XXYLT1: variants seen among roughly 807,000 people sequenced by gnomAD.
XXYLT1 encodes the protein xyloside xylosyltransferase 1.
Under a neutral mutation model 28.9 loss-of-function variants are expected in XXYLT1, and 20 were observed. That is an observed-to-expected ratio of 0.69 (90% CI 0.49 to 1.00). The LOEUF (loss-of-function observed/expected upper bound fraction) is 1.00. XXYLT1 is among the 50% of genes least tolerant of loss of function. The pLI is 0.00. For synonymous variants in XXYLT1, 257 were observed against 253.8 expected, an observed-to-expected ratio of 1.01 and a Z score of -0.12; for missense variants, 542 against 560.1, an observed-to-expected ratio of 0.97 and a Z score of 0.33.
intron 2 of XXYLT1, among the ~76,000 whole-genome samples, chr3:195,188,020 G>A (rs1490492580): frequency 1.3e-5 from 2 of 152,086 alleles, no homozygotes; most frequent in African/African-American, 2.4e-5. Context: ...TTCAACTAAC[G>A]TCTCAACGAG....
intron 1 of XXYLT1, among the ~76,000 whole-genome samples, chr3:195,244,826 C>A (rs1375511784): frequency 8.9e-6 from 1 of 112,314 alleles, no homozygotes; most frequent in African/African-American, 3.4e-5. Flanking sequence ...ATCATTATGA[C>A]AAATACAACA....
At chr3:195,226,111 T>C (rs67484513) in intron 2 of XXYLT1, among the ~76,000 whole-genome samples, 10,901 of 152,066 alleles carry the variant, frequency 0.072, 596 homozygotes, top group African/African-American at 0.14. Flanking sequence ...AGTTAGACCC[T>C]CCAAGGCTTC....
At chr3:195,220,735 G>A (rs1577163221) in intron 2 of XXYLT1, among the ~76,000 whole-genome samples, 2 of 152,140 alleles carry the variant, frequency 1.3e-5, no homozygotes, top group African/African-American at 2.4e-5. Context: ...GGGGTCCTTC[G>A]AAGCCTCTGG....
intron 2 of XXYLT1, among the ~76,000 whole-genome samples, chr3:195,160,843 C>A (rs11710992): frequency 4.6e-5 from 7 of 152,254 alleles, no homozygotes; most frequent in African/African-American, 1.7e-4. Context: ...AGGGGATGTG[C>A]GGTTGGAATT....
At chr3:195,087,523 C>T (rs929767648) in intron 3 of XXYLT1, among the ~76,000 whole-genome samples, 2 of 152,240 alleles carry the variant, frequency 1.3e-5, no homozygotes, top group African/African-American at 4.8e-5. Context: ...GTCAGGCTCC[C>T]TGCACGCAGG....
intron 2 of XXYLT1, among the ~76,000 whole-genome samples, chr3:195,165,839 G>A (rs75143827): frequency 4.5e-4 from 68 of 152,092 alleles, no homozygotes; most frequent in Admixed American, 1.2e-3. Flanking sequence ...CATCATCTAG[G>A]AGATAATTAA....
At chr3:195,174,245 G>A (rs1310662498) in intron 2 of XXYLT1, among the ~76,000 whole-genome samples, 1 of 152,170 alleles carries the variant, frequency 6.6e-6, no homozygotes, top group Non-Finnish European at 1.5e-5. Flanking sequence ...TGCAGAGGAG[G>A]CAGAGGAGTG....
At chr3:195,070,242 C>T (rs1714726369) in intron 3 of XXYLT1, 131 bp from the exon 4 acceptor site, 2 of 1,234,436 alleles carry the variant, frequency 1.6e-6, no homozygotes, top group Non-Finnish European at 2.2e-6. Context: ...CGCATCACTA[C>T]ACCAGCAAGT....
intron 2 of XXYLT1, among the ~76,000 whole-genome samples, chr3:195,166,480 G>C (rs1358831872): frequency 6.6e-6 from 1 of 152,138 alleles, no homozygotes; most frequent in Non-Finnish European, 1.5e-5. Flanking sequence ...CAACATCAAA[G>C]TCAGGACACT....
At chr3:195,093,924 G>A (rs1560090532) in intron 3 of XXYLT1, 1 of 152,470 alleles carries the variant, frequency 6.6e-6, no homozygotes, top group East Asian at 1.9e-4. Context: ...CTAATTAGGA[G>A]CCTATCCTCC....
Position 195,156,506 on chromosome 3 carries a change from T to A in XXYLT1, c.728A>T (p.Asp243Val). 1 of 1,614,162 alleles carries A rather than the reference T, an allele frequency of 6.2e-7. No individual in the cohort carries two copies. The highest frequency in any genetic ancestry group is 8.5e-7 in the Non-Finnish European group (1 of 1,180,036). The change falls in exon 3 of 4, where the codon GAC becomes GTC. Residue 243 changes from aspartate (D) to valine (V), a missense_variant. Transcript: ENST00000310380. ...TNIRELFEEF[D>V]SFLPGAIIGI... ...GATGATGGCGCCTGGCAGGAAACTG[T>A]CAAATTCCTCAAACAACTCCCGGAT...
At chr3:195,070,158 C>G in intron 3 of XXYLT1, 47 bp from the exon 4 acceptor site, 1 of 1,501,090 alleles carries the variant, frequency 6.7e-7, no homozygotes, top group Non-Finnish European at 8.8e-7. Context: ...GGGGAACCAG[C>G]CTGCCGGCCT....
intron 3 of XXYLT1, among the ~76,000 whole-genome samples, chr3:195,082,780 A>T (rs1037879868): frequency 2.0e-5 from 3 of 151,886 alleles, no homozygotes; most frequent in Admixed American, 2.0e-4. Flanking sequence ...ACCCCGGGGG[A>T]AGGAGGTTGC....
intron 2 of XXYLT1, among the ~76,000 whole-genome samples, chr3:195,157,840 T>C (rs1720685677): frequency 6.6e-6 from 1 of 152,192 alleles, no homozygotes; most frequent in South Asian, 2.1e-4. Flanking sequence ...AACTTCCAGT[T>C]CTGCTGCTGA....
intron 3 of XXYLT1, among the ~76,000 whole-genome samples, chr3:195,105,664 G>A (rs1004010568): frequency 2.0e-5 from 3 of 152,186 alleles, no homozygotes; most frequent in Non-Finnish European, 4.4e-5. Flanking sequence ...GCGCCTCCGC[G>A]TCCACTCACG....
chr3:195,101,964 G>C, intron 3 of XXYLT1, among the ~76,000 whole-genome samples: 1 of 33,628 alleles, frequency 3.0e-5, no homozygotes, highest in East Asian at 7.0e-4. Flanking sequence ...GGGAGGGGAG[G>C]GGACGGGGGA....
intron 2 of XXYLT1, among the ~76,000 whole-genome samples, chr3:195,161,027 G>A (rs7616009): frequency 0.14 from 21,564 of 152,158 alleles, 1,912 homozygotes; most frequent in East Asian, 0.41. Flanking sequence ...CAAGGGTCCT[G>A]CGCCTTGGCC....
intron 2 of XXYLT1, among the ~76,000 whole-genome samples, chr3:195,159,865 G>C (rs1055114931): frequency 2.0e-5 from 3 of 152,164 alleles, no homozygotes; most frequent in Non-Finnish European, 4.4e-5. Context: ...GTTGGAATTG[G>C]CGGTGGTGGA....
At chr3:195,088,516 A>C (rs1577011857) in intron 3 of XXYLT1, among the ~76,000 whole-genome samples, 1 of 130,594 alleles carries the variant, frequency 7.7e-6, no homozygotes, top group African/African-American at 2.8e-5. Flanking sequence ...CACACCAAAA[A>C]CCCATCTGTA....
Sources: allele counts gnomAD v4.1 joint callset (sites outside exome capture counted in the v4.1 genomes callset), GRCh38; gene constraint gnomAD v4.1.1; transcripts MANE v1.5; gene names NCBI Gene and HGNC (gene_info 2026-07-23, HGNC 2026-07-21).